The following UNKL variants were observed in gnomAD, a reference collection of about 807,000 sequenced individuals.
UNKL encodes the protein putative E3 ubiquitin-protein ligase UNKL.
Under a neutral mutation model 78.0 loss-of-function variants are expected in UNKL, and 60 were observed. The ratio of observed to expected loss-of-function variants is 0.77; its 90% confidence interval spans 0.63 to 0.95. The LOEUF (loss-of-function observed/expected upper bound fraction) is 0.95. UNKL is among the 40% of genes least tolerant of loss of function. UNKL has a pLI of 0.00. For missense variants in UNKL, 1,159 were observed against 1,045.7 expected (o/e 1.11, Z -1.49); for synonymous variants, 608 against 474.8 (o/e 1.28, Z -3.65).
rs912210303 is a variant in UNKL, at chr16:1,390,627, T to C, written c.1086+5A>G. 134 of 1,535,822 alleles carry C rather than the reference T, an allele frequency of 8.7e-5. 2 individuals carry two copies. In the Admixed American group the frequency reaches 2.6e-3, roughly 29 times the overall value. ...ACGAGGGTGGGAAACCTTGGGGGCC[T>C]GTACCTGCTTGCTGTCTTGCTCGCT... On this transcript the variant is annotated splice_donor_5th_base_variant and intron_variant, in intron 9 of 14. Transcript: ENST00000389221.
chr16:1,394,291 A>C, intron 6 of UNKL, 76 bp from the exon 7 acceptor site: 1 of 1,490,944 alleles, frequency 6.7e-7, no homozygotes, highest in Non-Finnish European at 9.1e-7. Flanking sequence ...GCATCATCCC[A>C]AGGGAGAGGA....
At chr16:1,394,810 C>T (rs375370930) in intron 6 of UNKL, among the ~76,000 whole-genome samples, 21 of 152,242 alleles carry the variant, frequency 1.4e-4, no homozygotes, top group South Asian at 1.2e-3. Flanking sequence ...TCCTGACCTC[C>T]GGCCTGGCCC....
In UNKL at chr16:1,403,881, G is replaced by A. The variant is rs536018331; in HGVS notation, c.288-537C>T. Among the ~76,000 whole-genome samples, 8 of 152,078 alleles carry A rather than the reference G, an allele frequency of 5.3e-5. No homozygotes were observed. Among genetic ancestry groups the A allele is most frequent in the Non-Finnish European group, 1.2e-4 (8 of 68,004 alleles). ...CACGAGGGGGATGGGCAGAAGAGGC[G>A]GCAGATGGCGTGGTGGGGAACACAG... is the stretch of plus-strand genomic sequence containing the variant. On this transcript the variant is annotated intron_variant, in intron 2 of 14. Coordinates refer to ENST00000389221, the MANE Select transcript of UNKL (RefSeq NM_001372107.1). This position sits in a 1 kb window ranked among gnomAD's most constrained non-coding sequence, Gnocchi z 4.8.
chr16:1,392,281 C>T (rs2037079400), intron 8 of UNKL, among the ~76,000 whole-genome samples: 1 of 152,160 alleles, frequency 6.6e-6, no homozygotes, highest in Non-Finnish European at 1.5e-5. Context: ...CGAAGCCGGG[C>T]GTGAATTCCC....
In UNKL at chr16:1,391,160, TACACACAC is replaced by T. The variant is rs59407356; in HGVS notation, c.1024-474_1024-467del. 3.2e-3 allele frequency among the ~76,000 whole-genome samples: 457 copies of T among 144,594 alleles called. 2 individuals are homozygous for T. Among genetic ancestry groups the T allele is most frequent in the African/African-American group, 7.0e-3 (272 of 38,626 alleles). The allele number at this position is 144,594 out of a possible 152,430, so 94.9% of individuals were successfully genotyped here. ...GTGAGACTCTGTCTCCAAAAAAAAA[TACACACAC>T]ACACACACACACACACACACACACA... On this transcript the variant is annotated intron_variant, in intron 8 of 14. Coordinates refer to ENST00000389221, the MANE Select transcript of UNKL (RefSeq NM_001372107.1).
intron 7 of UNKL, 126 bp from the exon 8 acceptor site, chr16:1,393,102 C>T (rs536490578): frequency 6.8e-5 from 65 of 958,784 alleles, no homozygotes; most frequent in Admixed American, 6.2e-4. Context: ...CTCAGGGGTG[C>T]GGCAGAGGAC....
At chr16:1,407,962 C>G (rs1257591512) in intron 2 of UNKL, among the ~76,000 whole-genome samples, 2 of 151,876 alleles carry the variant, frequency 1.3e-5, no homozygotes, top group East Asian at 1.9e-4. Flanking sequence ...TCTCAGGACT[C>G]TGGGAAGCCT....
chr16:1,377,846 G>T (rs1471324591), intron 10 of UNKL, among the ~76,000 whole-genome samples: 2 of 152,050 alleles, frequency 1.3e-5, no homozygotes, highest in African/African-American at 4.8e-5. Context: ...TGGCACTGCA[G>T]GATCCCTTCC....
rs779530533 is a variant in UNKL, at chr16:1,399,467, G to A, written c.641C>T (p.Pro214Leu). ...CTGGCGGCACAGGCGTGGCGGCTTC[G>A]GGCACTGCTCCGTCTTGTAGCTGCC... ...VLGSYKTEQC[P>L]KPPRLCRQGY... Residue 214 changes from proline (P) to leucine (L), a missense_variant, in exon 5 of 15, where the codon CCG becomes CTG. Transcript: ENST00000389221. This position sits in a 1 kb window ranked among gnomAD's most constrained non-coding sequence, Gnocchi z 5.8. 1.3e-5 allele frequency: 21 copies of A among 1,601,500 alleles called. No individual in the cohort carries two copies. Among genetic ancestry groups the A allele is most frequent in the Middle Eastern group, 1.7e-4 (1 of 5,934 alleles).
Position 1,385,045 on chromosome 16 carries a change from G to A in UNKL, c.1264+163C>T, listed in dbSNP as rs554496469. Among the ~76,000 whole-genome samples the A allele has an allele frequency of 1.2e-3, 189 of 152,340 alleles. 1 individual carries two copies. Among genetic ancestry groups the A allele is most frequent in the South Asian group, 6.4e-3 (31 of 4,834 alleles). ...TCAGGGCTTGTTTCCACAACCACACGTGCAACACAACCAAAGTGACAGATG... is the reference window on the plus strand; with the variant it reads ...TCAGGGCTTGTTTCCACAACCACACATGCAACACAACCAAAGTGACAGATG... On this transcript the variant is annotated intron_variant, in intron 10 of 14. Coordinates refer to ENST00000389221, the MANE Select transcript of UNKL (RefSeq NM_001372107.1).
At chr16:1,370,771 T>A (rs1324878794) in intron 11 of UNKL, among the ~76,000 whole-genome samples, 1 of 152,230 alleles carries the variant, frequency 6.6e-6, no homozygotes, top group Non-Finnish European at 1.5e-5. Context: ...TGAAAAGATG[T>A]TGTATACGAT....
intron 7 of UNKL, among the ~76,000 whole-genome samples, chr16:1,393,193 C>G (rs951804299): frequency 6.6e-6 from 1 of 152,194 alleles, no homozygotes; most frequent in Non-Finnish European, 1.5e-5. Flanking sequence ...ACACTAAAAG[C>G]AATGTTTAAA....
At chr16:1,368,465 G>A (rs2035492368) in intron 12 of UNKL, among the ~76,000 whole-genome samples, 1 of 152,012 alleles carries the variant, frequency 6.6e-6, no homozygotes, top group Admixed American at 6.6e-5. Context: ...AGCCAGGCGT[G>A]GTGGCGGGCG....
At chr16:1,383,743 C>T (rs780589959) in intron 10 of UNKL, 11 of 412,260 alleles carry the variant, frequency 2.7e-5, no homozygotes, top group South Asian at 1.7e-4. Flanking sequence ...CGGGCCGCCG[C>T]CCACATTGAC....
chr16:1,408,200 G>C (rs2142261079), intron 2 of UNKL, among the ~76,000 whole-genome samples: 1 of 152,272 alleles, frequency 6.6e-6, no homozygotes, highest in Non-Finnish European at 1.5e-5. Context: ...AAAGAGAAAA[G>C]CAAGCGCCTG....
At chr16:1,371,675 TGAG>T in intron 10 of UNKL, 64 bp from the exon 11 acceptor site, 2 of 1,496,436 alleles carry the variant, frequency 1.3e-6, no homozygotes, top group Non-Finnish European at 1.8e-6. Flanking sequence ...GAAGCCTAGC[TGAG>T]GAGGACGACC....
chr16:1,368,463 G>T (rs940546262), intron 12 of UNKL, among the ~76,000 whole-genome samples: 2 of 151,960 alleles, frequency 1.3e-5, no homozygotes, highest in Admixed American at 1.3e-4. Context: ...TTAGCCAGGC[G>T]TGGTGGCGGG....
rs545906124 is a variant in UNKL, at chr16:1,370,121, G to A, written c.1585+9C>T. 29 of 1,535,180 alleles carry A rather than the reference G, an allele frequency of 1.9e-5. No individual in the cohort carries two copies. In the South Asian group the frequency reaches 2.4e-4, roughly 13 times the overall value. On this transcript the variant is annotated intron_variant, in intron 12 of 14. Transcript: ENST00000389221. ...CGGCAACGCCAGCATGGAGGGAGCCGGCACTCACCTAGGGGGCTGTAGGAT... is the reference window on the plus strand; with the variant it reads ...CGGCAACGCCAGCATGGAGGGAGCCAGCACTCACCTAGGGGGCTGTAGGAT...
intron 12 of UNKL, among the ~76,000 whole-genome samples, chr16:1,369,064 T>G (rs868697935): frequency 6.9e-4 from 84 of 121,224 alleles, no homozygotes; most frequent in African/African-American, 2.5e-3. Flanking sequence ...AGTTTTTTTT[T>G]TTTTTTTTTT....
Sources: allele counts gnomAD v4.1 joint callset (sites outside exome capture counted in the v4.1 genomes callset), GRCh38; gene constraint gnomAD v4.1.1; non-coding constraint Gnocchi (gnomAD v3.1); transcripts MANE v1.5; gene names NCBI Gene and HGNC (gene_info 2026-07-23, HGNC 2026-07-21).